Variants in ATF7IP2 observed in about 807,000 individuals in gnomAD.
ATF7IP2 encodes the protein activating transcription factor 7 interacting protein 2.
In ATF7IP2, 42 loss-of-function variants were observed where a neutral mutation model predicts 64.2. The observed-to-expected ratio is 0.65, with a 90% CI of 0.51 to 0.85. ATF7IP2 has a LOEUF of 0.85. ATF7IP2 is among the 40% of genes least tolerant of loss of function. The pLI is 0.00. For synonymous variants in ATF7IP2, 308 were observed against 272.8 expected, an observed-to-expected ratio of 1.13 and a Z score of -1.27; for missense variants, 933 against 784.2, an observed-to-expected ratio of 1.19 and a Z score of -2.27.
intron 8 of ATF7IP2, among the ~76,000 whole-genome samples, chr16:10,443,352 T>G (rs946849500): frequency 6.6e-6 from 1 of 152,062 alleles, no homozygotes; most frequent in Non-Finnish European, 1.5e-5. Context: ...CTTCAGGCAA[T>G]AGCAGAGAGA....
chr16:10,469,250 A>G (rs1005604947), intron 9 of ATF7IP2, among the ~76,000 whole-genome samples: 1 of 152,148 alleles, frequency 6.6e-6, no homozygotes, highest in African/African-American at 2.4e-5. Context: ...GAGGTATAGA[A>G]AATGTTCAGT....
intron 1 of ATF7IP2, among the ~76,000 whole-genome samples, chr16:10,398,005 A>C (rs2047452076): frequency 6.6e-6 from 1 of 152,110 alleles, no homozygotes; most frequent in African/African-American, 2.4e-5. Flanking sequence ...AGGATGACTT[A>C]TCAAAAATGA....
intron 2 of ATF7IP2, 122 bp from the exon 3 acceptor site, chr16:10,419,459 C>T (rs1165887464): frequency 6.4e-6 from 1 of 155,146 alleles, no homozygotes. Context: ...TAAATATACC[C>T]AATAAGTATA....
intron 1 of ATF7IP2, 30 bp from the exon 2 acceptor site, chr16:10,414,544 T>G (rs1266867198): frequency 6.6e-6 from 1 of 151,870 alleles, no homozygotes; most frequent in African/African-American, 2.4e-5. Flanking sequence ...TTGATTAGCT[T>G]AATAACTGAC....
intron 8 of ATF7IP2, among the ~76,000 whole-genome samples, chr16:10,441,565 T>C (rs1347580006): frequency 1.3e-5 from 2 of 152,224 alleles, no homozygotes; most frequent in African/African-American, 4.8e-5. Context: ...GAGAAGTGTC[T>C]GTTCATATCC....
rs2048624715 is a variant in ATF7IP2, at chr16:10,441,599, G to A, written c.1194+1137G>A. On this transcript the variant is annotated intron_variant, in intron 8 of 13. Transcript: ENST00000562102. ...CCTTCGCCCGCTTTTTGATGGGGTT[G>A]TTTTTTTCTTGTAAATTTAAGTTCT... 2.6e-5 allele frequency among the ~76,000 whole-genome samples: 4 copies of A among 152,174 alleles called. No individual in the cohort carries two copies. In the South Asian group the frequency reaches 8.3e-4, roughly 32 times the overall value.
At position 10,431,215 on chromosome 16, in the gene ATF7IP2, T is replaced by C; in HGVS notation, c.595T>C (p.Phe199Leu). Reference sequence around the variant, plus strand: ...TGACAAGAAAACTGACCAGATGGTTTTCCATTTAGAAACAAACTCCAATTC... The same window carrying C: ...TGACAAGAAAACTGACCAGATGGTTCTCCATTTAGAAACAAACTCCAATTC... The part of the protein sequence containing the change: ...VGDKKTDQMV[F>L]HLETNSNSES... The change falls in exon 5 of 14, where the codon TTC (phenylalanine) becomes CTC (leucine). Residue 199 changes from phenylalanine to leucine, a missense_variant. By Grantham distance (22) the Phe-to-Leu change is conservative. Coordinates refer to ENST00000562102, the MANE Select transcript of ATF7IP2 (RefSeq NM_001393719.1). 6.2e-7 allele frequency: 1 copy of C among 1,614,174 alleles called. No homozygotes were observed. Among genetic ancestry groups the C allele is most frequent in the Non-Finnish European group, 8.5e-7 (1 of 1,180,028 alleles).
rs553640602 is a variant in ATF7IP2 at position 10,400,217 on chromosome 16, T to C, written c.-242+14095T>C. ...CACCACGCCTGGCTAATTTTTGTAT[T>C]TTTAGTAGAGATGGGGTTTCACCAT... On this transcript the variant is annotated intron_variant, in intron 1 of 13. Transcript: ENST00000562102. Among the ~76,000 whole-genome samples, 221 of 152,172 alleles carry C rather than the reference T, an allele frequency of 1.5e-3. 2 individuals carry two copies. The highest frequency in any genetic ancestry group is 2.2e-3 in the Non-Finnish European group (152 of 68,006).
intron 8 of ATF7IP2, chr16:10,449,896 ACTT>A (rs1189667421): frequency 4.0e-5 from 6 of 151,826 alleles, no homozygotes; most frequent in Non-Finnish European, 7.4e-5. Flanking sequence ...ATGCTTCTCT[ACTT>A]CTTTTAATTT....
intron 3 of ATF7IP2, among the ~76,000 whole-genome samples, chr16:10,423,570 G>C (rs1281046649): frequency 1.3e-5 from 2 of 152,114 alleles, no homozygotes; most frequent in Admixed American, 6.5e-5. Flanking sequence ...ACAGTTACTG[G>C]GGCATCTACT....
At chr16:10,388,187 G>T (rs1312388584) in intron 1 of ATF7IP2, among the ~76,000 whole-genome samples, 1 of 152,024 alleles carries the variant, frequency 6.6e-6, no homozygotes, top group Non-Finnish European at 1.5e-5. Flanking sequence ...CTTAGCGCCC[G>T]GCCTATCTCA....
intron 3 of ATF7IP2, among the ~76,000 whole-genome samples, chr16:10,426,359 A>G (rs1052593467): frequency 1.2e-4 from 18 of 152,222 alleles, no homozygotes; most frequent in African/African-American, 3.9e-4. Flanking sequence ...TATGATAGGC[A>G]AACTATATAG....
chr16:10,463,203 T>C (rs77449107), intron 9 of ATF7IP2, among the ~76,000 whole-genome samples: 28 of 152,290 alleles, frequency 1.8e-4, no homozygotes, highest in Non-Finnish European at 3.8e-4. Context: ...CTGGATATTG[T>C]ATATTGGAAA....
chr16:10,460,229 G>C (rs957116048), intron 9 of ATF7IP2, among the ~76,000 whole-genome samples: 3 of 151,992 alleles, frequency 2.0e-5, no homozygotes, highest in African/African-American at 7.2e-5. Flanking sequence ...TTTAATAAGA[G>C]AAACAATAGC....
chr16:10,442,501 C>T (rs927738457), intron 8 of ATF7IP2, among the ~76,000 whole-genome samples: 6 of 152,114 alleles, frequency 3.9e-5, no homozygotes, highest in Admixed American at 2.0e-4. Context: ...GGAATGAGTA[C>T]CCTAACTATA....
chr16:10,475,074 G>T (rs902514733), intron 12 of ATF7IP2, among the ~76,000 whole-genome samples: 1 of 152,082 alleles, frequency 6.6e-6, no homozygotes, highest in African/African-American at 2.4e-5. Flanking sequence ...AAAATTTGTT[G>T]CCAGCAGACC....
At chr16:10,415,728 C>A (rs2047859831) in intron 2 of ATF7IP2, among the ~76,000 whole-genome samples, 1 of 152,132 alleles carries the variant, frequency 6.6e-6, no homozygotes, top group African/African-American at 2.4e-5. Context: ...CATTAATAAC[C>A]AGAATATAAG....
intron 9 of ATF7IP2, among the ~76,000 whole-genome samples, chr16:10,469,146 C>T (rs919349348): frequency 6.6e-6 from 1 of 151,992 alleles, no homozygotes; most frequent in South Asian, 2.1e-4. Context: ...AAAAATATGA[C>T]CTATCAACAA....
At chr16:10,391,045 C>T (rs1402281184) in intron 1 of ATF7IP2, among the ~76,000 whole-genome samples, 1 of 151,744 alleles carries the variant, frequency 6.6e-6, no homozygotes, top group African/African-American at 2.4e-5. Flanking sequence ...GTAGTCCTAG[C>T]TACTCTGGAG....
Sources: gnomAD v4.1 joint callset for allele counts (sites outside exome capture counted in the v4.1 genomes callset) on GRCh38, gnomAD v4.1.1 for gene constraint, MANE v1.5 for transcripts, NCBI Gene and HGNC (gene_info 2026-07-23, HGNC 2026-07-21) for gene names.